The following AFF3 variants were observed in gnomAD, a reference collection of about 807,000 sequenced individuals.
AFF3 encodes ALF transcription elongation factor 3.
Under a neutral mutation model 129.7 loss-of-function variants are expected in AFF3, and 32 were observed. The observed-to-expected ratio is 0.25, with a 90% confidence interval of 0.19 to 0.33. The LOEUF (loss-of-function observed/expected upper bound fraction) is 0.33. AFF3 is among the 10% of genes least tolerant of loss of function. The pLI is 1.00. For missense variants in AFF3, 1,373 were observed against 1,592.0 expected (o/e 0.86, Z 2.34); for synonymous variants, 644 against 635.4 (o/e 1.01, Z -0.20).
intron 4 of AFF3, among the ~76,000 whole-genome samples, chr2:100,074,497 C>T (rs1285791256): frequency 3.3e-5 from 5 of 152,142 alleles, no homozygotes; most frequent in East Asian, 3.8e-4. Context: ...CTGAACACTA[C>T]GATTTTACAG....
rs115143028 is a variant in AFF3, at chr2:99,951,524, G to A, written c.873+55108C>T. Among the ~76,000 whole-genome samples the A allele has an allele frequency of 5.5e-3, 845 of 152,284 alleles. 2 individuals are homozygous for A. Among genetic ancestry groups the A allele is most frequent in the Middle Eastern group, 0.01 (3 of 292 alleles). ...AAAGATGTTTACAACAATCTTATTAGTGAAGGACAAGTAGAATGGATGGGT... is the reference window on the plus strand; with the variant it reads ...AAAGATGTTTACAACAATCTTATTAATGAAGGACAAGTAGAATGGATGGGT... On this transcript the variant is annotated intron_variant, in intron 7 of 24. Coordinates refer to ENST00000672756, the MANE Select transcript of AFF3 (RefSeq NM_001386135.1).
intron 7 of AFF3, among the ~76,000 whole-genome samples, chr2:99,940,130 GTT>G (rs893144321): frequency 6.6e-6 from 1 of 152,136 alleles, no homozygotes; most frequent in Non-Finnish European, 1.5e-5. Flanking sequence ...ATGCTCCAGG[GTT>G]TCCAGACATG....
intron 8 of AFF3, among the ~76,000 whole-genome samples, chr2:99,764,400 T>C (rs1282758213): frequency 6.6e-6 from 1 of 152,184 alleles, no homozygotes; most frequent in Non-Finnish European, 1.5e-5. Context: ...ATTTTGGACC[T>C]TTCTGGAGAA....
At chr2:99,648,917 A>ACACACACACACACTCTCTCTCT in intron 13 of AFF3, among the ~76,000 whole-genome samples, 34 of 46,910 alleles carry the variant, frequency 7.2e-4, no homozygotes, top group South Asian at 1.2e-3. Context: ...ACACACACAC[A>ACACACACACACACTCTCTCTCT]CTCTCTCTCT....
chr2:99,933,558 A>G (rs1392424550), intron 7 of AFF3, among the ~76,000 whole-genome samples: 2 of 150,578 alleles, frequency 1.3e-5, no homozygotes, highest in Non-Finnish European at 2.9e-5. Context: ...ATGTGTTCTC[A>G]TTGTTCAGCT....
chr2:99,568,741 C>T lies in AFF3; in HGVS notation c.2982+111G>A, dbSNP rs138469162. 9.7e-4 allele frequency: 1,043 copies of T among 1,079,726 alleles called. 7 individuals are homozygous for T. The African/African-American group carries it at 0.014, about 14-fold the overall frequency. 66.9% of individuals were successfully genotyped at this position (1,079,726 alleles called of 1,614,324 possible). ...TAAACATTTCTCCATTGAACAGACC[C>T]GGCCATCCTTGTAATAGATTTTATA... On this transcript the variant is annotated intron_variant, in intron 19 of 24. Transcript: ENST00000672756.
In AFF3 at chr2:99,886,153, T is replaced by C. The variant is rs145890685; in HGVS notation, c.874-48629A>G. 6.0e-4 allele frequency among the ~76,000 whole-genome samples: 91 copies of C among 152,346 alleles called. 1 individual carries two copies. In the East Asian group the frequency reaches 0.016, roughly 27 times the overall value. ...TACCTCGTATGTACCCTCTGCCTCA[T>C]ACCTAACACTGATCACATTTTGTCC... is the stretch of plus-strand genomic sequence containing the variant. On this transcript the variant is annotated intron_variant, in intron 7 of 24. Coordinates refer to ENST00000672756, the MANE Select transcript of AFF3 (RefSeq NM_001386135.1).
At chr2:99,721,993 C>A (rs923073315) in intron 11 of AFF3, among the ~76,000 whole-genome samples, 1 of 152,172 alleles carries the variant, frequency 6.6e-6, no homozygotes, top group Non-Finnish European at 1.5e-5. Flanking sequence ...TCACATTGAA[C>A]AATTCTTACT....
chr2:99,933,944 C>T (rs1348389616), intron 7 of AFF3, among the ~76,000 whole-genome samples: 4 of 152,190 alleles, frequency 2.6e-5, no homozygotes, highest in East Asian at 3.9e-4. Context: ...CAACTGAGCA[C>T]CACGACCATC....
chr2:99,674,243 G>T (rs1031599841), intron 11 of AFF3, among the ~76,000 whole-genome samples: 1 of 152,140 alleles, frequency 6.6e-6, no homozygotes, highest in African/African-American at 2.4e-5. Flanking sequence ...TGTCTGGCAC[G>T]CCATTCATTT....
intron 7 of AFF3, among the ~76,000 whole-genome samples, chr2:99,957,837 C>A (rs1676812913): frequency 6.6e-6 from 1 of 152,172 alleles, no homozygotes; most frequent in Non-Finnish European, 1.5e-5. Context: ...CTCTGGATGG[C>A]AGGCCAGGAC....
At chr2:99,667,517 G>T (rs958552308) in intron 12 of AFF3, among the ~76,000 whole-genome samples, 1 of 152,112 alleles carries the variant, frequency 6.6e-6, no homozygotes, top group African/African-American at 2.4e-5. Context: ...TAAGAAATCA[G>T]TGAAACTGAA....
rs142056141 is a variant in AFF3 at position 99,744,048 on chromosome 2, C to T, written c.1039+56G>A. 291 of 1,489,680 alleles carry T rather than the reference C, an allele frequency of 2.0e-4. 1 individual carries two copies. In the African/African-American group the frequency reaches 3.6e-3, roughly 18 times the overall value. The allele number at this position is 1,489,680 out of a possible 1,614,324, so 92.3% of individuals were successfully genotyped here. The stretch of plus-strand genomic sequence containing the variant: ...GTGCTCATCCTCCCTCCCCTTCTGC[C>T]CTCTGCCCCCACCCCCTGCTCCCCA... On this transcript the variant is annotated intron_variant, in intron 10 of 24. Transcript: ENST00000672756.
At chr2:100,085,205 T>C (rs1689326231) in intron 4 of AFF3, among the ~76,000 whole-genome samples, 2 of 142,876 alleles carry the variant, frequency 1.4e-5, no homozygotes, top group African/African-American at 2.6e-5. Context: ...AAAAGTCAAA[T>C]TGACTATCAA....
intron 7 of AFF3, among the ~76,000 whole-genome samples, chr2:99,907,276 G>A (rs1694783630): frequency 6.6e-6 from 1 of 152,092 alleles, no homozygotes; most frequent in African/African-American, 2.4e-5. Flanking sequence ...CCTGTAAGTT[G>A]CCTAACACTG....
chr2:99,608,560 G>A (rs1447328574), intron 13 of AFF3, among the ~76,000 whole-genome samples: 1 of 152,164 alleles, frequency 6.6e-6, no homozygotes, highest in Non-Finnish European at 1.5e-5. Context: ...TAGCATCCAT[G>A]AGTGAAGTGT....
intron 7 of AFF3, among the ~76,000 whole-genome samples, chr2:99,918,466 A>T (rs551753691): frequency 9.9e-5 from 15 of 152,194 alleles, no homozygotes; most frequent in Non-Finnish European, 2.1e-4. Flanking sequence ...TAACAGATCA[A>T]GTCACCACTT....
intron 8 of AFF3, among the ~76,000 whole-genome samples, chr2:99,765,854 T>C (rs1352447415): frequency 1.3e-5 from 2 of 152,208 alleles, no homozygotes; most frequent in African/African-American, 2.4e-5. Context: ...AAACAATAAT[T>C]TGCTTCCTTA....
At chr2:100,104,725 GCCGCCGCCCC>G (rs1174069371) in intron 3 of AFF3, 1 of 928,024 alleles carries the variant, frequency 1.1e-6, no homozygotes, top group Non-Finnish European at 1.3e-6. Flanking sequence ...TCGCCGCGCC[GCCGCCGCCCC>G]CCGCCCCCGG....
Sources: allele counts gnomAD v4.1 joint callset (sites outside exome capture counted in the v4.1 genomes callset), GRCh38; gene constraint gnomAD v4.1.1; transcripts MANE v1.5; gene names NCBI Gene and HGNC (gene_info 2026-07-23, HGNC 2026-07-21).